Variants in ASCC3 observed in about 807,000 individuals in gnomAD.
ASCC3 encodes ASC-1 complex subunit P200.
A neutral mutation model predicts 256.3 loss-of-function variants in ASCC3; 158 were observed. That is an observed-to-expected ratio of 0.62 (90% CI 0.54 to 0.70). The LOEUF (loss-of-function observed/expected upper bound fraction) is 0.70. Ranked by LOEUF, ASCC3 falls within the 30% of genes least tolerant of loss-of-function variation. The pLI is 0.00. For synonymous variants in ASCC3, 948 were observed against 883.4 expected (o/e 1.07, Z -1.30); for missense variants, 2,259 against 2,626.0 (o/e 0.86, Z 3.05).
chr6:100,581,499 G>A (rs1348672469), intron 36 of ASCC3, among the ~76,000 whole-genome samples: 2 of 152,026 alleles, frequency 1.3e-5, no homozygotes, highest in African/African-American at 4.8e-5. Flanking sequence ...TGTCAGATGA[G>A]TAGGTTGCGA....
intron 10 of ASCC3, among the ~76,000 whole-genome samples, chr6:100,759,725 G>C (rs2115113589): frequency 6.6e-6 from 1 of 152,220 alleles, no homozygotes; most frequent in African/African-American, 2.4e-5. Flanking sequence ...GAATAGCATT[G>C]AATCTATAAA....
At chr6:100,834,883 T>A (rs928545677) in intron 4 of ASCC3, among the ~76,000 whole-genome samples, 1 of 152,134 alleles carries the variant, frequency 6.6e-6, no homozygotes, top group Non-Finnish European at 1.5e-5. Context: ...TAAACTTTCA[T>A]GGATAGATAA....
At chr6:100,727,828 G>T (rs561335090) in intron 10 of ASCC3, among the ~76,000 whole-genome samples, 36 of 152,182 alleles carry the variant, frequency 2.4e-4, no homozygotes, top group African/African-American at 7.7e-4. Context: ...TGGTTTGGAG[G>T]GGGAGGGGGG....
At chr6:100,810,657 A>T (rs899994813) in intron 4 of ASCC3, among the ~76,000 whole-genome samples, 6 of 152,146 alleles carry the variant, frequency 3.9e-5, no homozygotes, top group African/African-American at 1.4e-4. Flanking sequence ...AAAGAATCCT[A>T]AGTAGGTTGC....
At chr6:100,548,756 C>T (rs766120290) in intron 36 of ASCC3, among the ~76,000 whole-genome samples, 4 of 151,750 alleles carry the variant, frequency 2.6e-5, no homozygotes, top group Non-Finnish European at 5.9e-5. Context: ...CAGATATTAA[C>T]TAGGTGAAAA....
intron 4 of ASCC3, among the ~76,000 whole-genome samples, chr6:100,821,260 C>T (rs1157013993): frequency 2.0e-5 from 3 of 152,160 alleles, no homozygotes; most frequent in Non-Finnish European, 4.4e-5. Context: ...AAGCAACCCT[C>T]CTGTCTCAGC....
At chr6:100,865,810 G>A (rs1773448498) in intron 2 of ASCC3, among the ~76,000 whole-genome samples, 2 of 152,056 alleles carry the variant, frequency 1.3e-5, no homozygotes, top group Admixed American at 6.5e-5. Flanking sequence ...TTCTTCGTAT[G>A]TTCAATTGAT....
chr6:100,847,421 C>A (rs959473577), intron 4 of ASCC3, among the ~76,000 whole-genome samples: 1 of 152,076 alleles, frequency 6.6e-6, no homozygotes. Context: ...TACTTCCAAA[C>A]TAATGTTAGT....
chr6:100,688,181 G>A (rs902747405), intron 13 of ASCC3, among the ~76,000 whole-genome samples: 20 of 151,128 alleles, frequency 1.3e-4, no homozygotes, highest in African/African-American at 3.9e-4. Context: ...TAAAAAGTAC[G>A]CAAACCATGG....
At chr6:100,608,061 CATATATATACAT>C (rs1562160667) in intron 30 of ASCC3, among the ~76,000 whole-genome samples, 7 of 11,416 alleles carry the variant, frequency 6.1e-4, no homozygotes, top group African/African-American at 1.3e-3. Context: ...CATATATACA[CATATATATACAT>C]ATATATGTAT....
chr6:100,838,587 T>C (rs969316133), intron 4 of ASCC3, among the ~76,000 whole-genome samples: 14 of 152,084 alleles, frequency 9.2e-5, no homozygotes, highest in African/African-American at 3.4e-4. Flanking sequence ...AGGTACTTAA[T>C]CTACACAACA....
At chr6:100,532,786 C>T (rs924854030) in intron 37 of ASCC3, among the ~76,000 whole-genome samples, 10 of 151,844 alleles carry the variant, frequency 6.6e-5, no homozygotes, top group African/African-American at 1.7e-4. Context: ...ATTAATATTC[C>T]AATCATAATT....
intron 8 of ASCC3, among the ~76,000 whole-genome samples, chr6:100,771,547 ACT>A (rs1582839210): frequency 6.6e-6 from 1 of 152,096 alleles, no homozygotes; most frequent in Non-Finnish European, 1.5e-5. Flanking sequence ...GAATAAAAAA[ACT>A]CAACACAACA....
chr6:100,533,908 C>T (rs1186972998), intron 37 of ASCC3, among the ~76,000 whole-genome samples: 1 of 152,174 alleles, frequency 6.6e-6, no homozygotes, highest in Non-Finnish European at 1.5e-5. Flanking sequence ...CATTTGGTTT[C>T]AGCACAAATT....
chr6:100,801,226 A>T (rs1769901988), intron 5 of ASCC3, among the ~76,000 whole-genome samples: 1 of 152,106 alleles, frequency 6.6e-6, no homozygotes, highest in African/African-American at 2.4e-5. Flanking sequence ...CTTTACAAGC[A>T]ACAGTATCTT....
chr6:100,602,013 A>G, intron 33 of ASCC3, 78 bp from the exon 34 acceptor site: 1 of 1,510,922 alleles, frequency 6.6e-7, no homozygotes, highest in Non-Finnish European at 9.1e-7. Flanking sequence ...CATAGTCAAG[A>G]TTCAGATTTT....
rs1781619762 is a variant in ASCC3 at position 100,765,656 on chromosome 6, A to G, written c.1737+909T>C. Among the ~76,000 whole-genome samples, 3 of 152,322 alleles carry G rather than the reference A, an allele frequency of 2.0e-5. No homozygotes were observed. In the South Asian group the frequency reaches 6.2e-4, roughly 32 times the overall value. ...ATGTATAAAGCCAAGCTGTACCCCA[A>G]TCACATTGAGCACATGTCATCAGGA... is the stretch of plus-strand genomic sequence containing the variant. On this transcript the variant is annotated intron_variant, in intron 10 of 41. Transcript: ENST00000369162.
At chr6:100,660,853 C>A (rs1335942452) in intron 16 of ASCC3, among the ~76,000 whole-genome samples, 1 of 151,612 alleles carries the variant, frequency 6.6e-6, no homozygotes, top group African/African-American at 2.4e-5. Context: ...ACTGTCTTTC[C>A]AACATTATTG....
chr6:100,865,805 CG>C (rs935845453), intron 2 of ASCC3, among the ~76,000 whole-genome samples: 17 of 152,014 alleles, frequency 1.1e-4, no homozygotes, highest in African/African-American at 3.9e-4. Context: ...TTCATTTCTT[CG>C]TATGTTCAAT....
Sources: gnomAD v4.1 joint callset for allele counts (sites outside exome capture counted in the v4.1 genomes callset) on GRCh38, gnomAD v4.1.1 for gene constraint, MANE v1.5 for transcripts, NCBI Gene and HGNC (gene_info 2026-07-23, HGNC 2026-07-21) for gene names.